The following ZSCAN25 variants were observed in gnomAD, a reference collection of about 807,000 sequenced individuals.
ZSCAN25 encodes zinc finger and SCAN domain containing 25, also known as zinc finger and SCAN domain-containing protein 25.
In ZSCAN25, 27 loss-of-function variants were observed where a neutral mutation model predicts 38.7. The observed-to-expected ratio is 0.70, with a 90% CI of 0.51 to 0.96. The LOEUF is 0.96. Among genes scored for constraint, ZSCAN25 ranks in the 40% least tolerant of loss-of-function variants. ZSCAN25 has a pLI of 0.00. For missense variants in ZSCAN25, 637 were observed against 705.9 expected (o/e 0.90, Z 1.11); for synonymous variants, 273 against 277.7 (o/e 0.98, Z 0.17).
chr7:99,665,926 T>TA, the ZSCAN25 span, among the ~76,000 whole-genome samples: 1 of 151,934 alleles, frequency 6.6e-6, no homozygotes, highest in Non-Finnish European at 1.5e-5. Flanking sequence ...ATGTTCTGGT[T>TA]AAAAAAAATA....
chr7:99,693,805 G>A, the ZSCAN25 span, among the ~76,000 whole-genome samples: 1 of 152,184 alleles, frequency 6.6e-6, no homozygotes, highest in African/African-American at 2.4e-5. Context: ...AATCTTGCTG[G>A]GAGCTGCAGA....
At chr7:99,636,939 C>G (rs1482264171), downstream of ZSCAN25, among the ~76,000 whole-genome samples, 1 of 152,246 alleles carries the variant, frequency 6.6e-6, no homozygotes. Flanking sequence ...GTCTACACAT[C>G]ATTCATTCAT....
chr7:99,643,311 A>G, the ZSCAN25 span, among the ~76,000 whole-genome samples: 1 of 152,110 alleles, frequency 6.6e-6, no homozygotes, highest in Non-Finnish European at 1.5e-5. Context: ...GAGAAGAATC[A>G]TCTTACCCTA....
the ZSCAN25 span, among the ~76,000 whole-genome samples, chr7:99,680,681 TG>T: frequency 6.6e-6 from 1 of 152,162 alleles, no homozygotes; most frequent in Non-Finnish European, 1.5e-5. Context: ...TCTGACTCTG[TG>T]GTGATAGCAA....
the ZSCAN25 span, chr7:99,717,404 A>T: frequency 6.3e-7 from 1 of 1,582,028 alleles, no homozygotes; most frequent in Non-Finnish European, 8.7e-7. Flanking sequence ...TAAAAAGACT[A>T]TTTTTAGGAA....
At chr7:99,643,088 A>C in the ZSCAN25 span, among the ~76,000 whole-genome samples, 1 of 152,176 alleles carries the variant, frequency 6.6e-6, no homozygotes, top group African/African-American at 2.4e-5. Context: ...TCTTTTTTTC[A>C]AAAAAGCAAT....
At chr7:99,641,626 C>A in the ZSCAN25 span, among the ~76,000 whole-genome samples, 28 of 152,328 alleles carry the variant, frequency 1.8e-4, no homozygotes, top group East Asian at 5.8e-4. Flanking sequence ...CCAAACTCTT[C>A]ATTCTCCTCC....
the ZSCAN25 span, among the ~76,000 whole-genome samples, chr7:99,719,452 A>G: frequency 5.9e-5 from 9 of 152,326 alleles, no homozygotes; most frequent in Admixed American, 3.9e-4. Context: ...TCTAAATCTC[A>G]TACCTTATAC....
the ZSCAN25 span, among the ~76,000 whole-genome samples, chr7:99,713,125 T>A: frequency 6.6e-6 from 1 of 152,216 alleles, no homozygotes; most frequent in African/African-American, 2.4e-5. Context: ...AAATTGCAAT[T>A]ATTTTTGCAG....
the ZSCAN25 span, among the ~76,000 whole-genome samples, chr7:99,726,900 G>A: frequency 6.6e-6 from 1 of 152,186 alleles, no homozygotes; most frequent in Non-Finnish European, 1.5e-5. Flanking sequence ...GGGTCTCCCT[G>A]CTGATCATGT....
the ZSCAN25 span, among the ~76,000 whole-genome samples, chr7:99,700,840 A>G: frequency 5.1e-3 from 772 of 152,306 alleles, 8 homozygotes; most frequent in African/African-American, 0.017. Flanking sequence ...GGTGATAGCA[A>G]TAGACTAATG....
chr7:99,630,493 T>A lies in ZSCAN25; in HGVS notation c.*473T>A, dbSNP rs1410246960. The A allele has an allele frequency of 2.0e-6, 2 of 997,100 alleles. No individual in the cohort carries two copies. Among genetic ancestry groups the A allele is most frequent in the East Asian group, 2.2e-4 (2 of 9,174 alleles). 61.8% of individuals were successfully genotyped at this position (997,100 alleles called of 1,614,324 possible). On this transcript the variant is annotated 3_prime_UTR_variant, in exon 8 of 8. Coordinates refer to ENST00000394152, the MANE Select transcript of ZSCAN25 (RefSeq NM_145115.3). ...GCACCTGGCCGTGGGAATGCCGTGG[T>A]GAATGAGAGACTAGACGTGATGCCT... is the stretch of plus-strand genomic sequence containing the variant.
chr7:99,676,583 A>G, the ZSCAN25 span: 3 of 1,349,332 alleles, frequency 2.2e-6, no homozygotes, highest in African/African-American at 3.0e-5. Context: ...CATCCTAGGT[A>G]GAAAGAGTAA....
chr7:99,732,046 C>G, the ZSCAN25 span, among the ~76,000 whole-genome samples: 1 of 152,284 alleles, frequency 6.6e-6, no homozygotes, highest in African/African-American at 2.4e-5. Context: ...CTACCCAAAT[C>G]TCATGTTGAA....
the ZSCAN25 span, among the ~76,000 whole-genome samples, chr7:99,683,795 G>A: frequency 1.3e-5 from 2 of 152,032 alleles, no homozygotes; most frequent in East Asian, 3.9e-4. Context: ...CACCCTACTA[G>A]GTCTCTGACT....
the ZSCAN25 span, among the ~76,000 whole-genome samples, chr7:99,692,666 C>T: frequency 6.6e-6 from 1 of 152,112 alleles, no homozygotes; most frequent in Non-Finnish European, 1.5e-5. Context: ...CACTGATATC[C>T]TTTCTTACAG....
At chr7:99,708,044 T>C in the ZSCAN25 span, 1 of 1,609,952 alleles carries the variant, frequency 6.2e-7, no homozygotes, top group Non-Finnish European at 8.5e-7. Context: ...TGTTAGGGTT[T>C]CTTACTTAGG....
chr7:99,634,461 CTG>C (rs897809582), downstream of ZSCAN25, among the ~76,000 whole-genome samples: 1 of 151,538 alleles, frequency 6.6e-6, no homozygotes, highest in Non-Finnish European at 1.5e-5. Context: ...CGAGACCAGC[CTG>C]GACAACATGG....
At chr7:99,699,169 A>G in the ZSCAN25 span, among the ~76,000 whole-genome samples, 1 of 152,264 alleles carries the variant, frequency 6.6e-6, no homozygotes. Context: ...GGCTGCTAGC[A>G]GATTCCCATT....
Sources: allele counts gnomAD v4.1 joint callset (sites outside exome capture counted in the v4.1 genomes callset), GRCh38; gene constraint gnomAD v4.1.1; transcripts MANE v1.5; gene names NCBI Gene and HGNC (gene_info 2026-07-23, HGNC 2026-07-21).